Variants in SLC38A1 observed in about 807,000 individuals in gnomAD.
SLC38A1 encodes solute carrier family 38 member 1.
Under a neutral mutation model 60.3 loss-of-function variants are expected in SLC38A1, and 18 were observed. The observed-to-expected ratio is 0.30, with a 90% CI of 0.21 to 0.44. SLC38A1 has a LOEUF of 0.44. SLC38A1 is among the 20% of genes least tolerant of loss of function. The pLI is 1.00. For missense variants in SLC38A1, 448 were observed against 587.2 expected (o/e 0.76, Z 2.45); for synonymous variants, 196 against 212.1 (o/e 0.92, Z 0.66).
intron 2 of SLC38A1, among the ~76,000 whole-genome samples, chr12:46,240,335 T>C (rs1416992713): frequency 6.6e-6 from 1 of 152,210 alleles, no homozygotes; most frequent in Admixed American, 6.5e-5. Flanking sequence ...TAGCTGTGAT[T>C]ACAGGCATGC....
At chr12:46,215,360 C>T (rs1377540094) in intron 5 of SLC38A1, among the ~76,000 whole-genome samples, 2 of 152,156 alleles carry the variant, frequency 1.3e-5, no homozygotes, top group African/African-American at 4.8e-5. Flanking sequence ...TGACTAGCTT[C>T]CAGTGTGAAA....
At chr12:46,262,405 CTTAA>C (rs1229640130) in intron 1 of SLC38A1, among the ~76,000 whole-genome samples, 1 of 151,544 alleles carries the variant, frequency 6.6e-6, no homozygotes, top group Non-Finnish European at 1.5e-5. Context: ...AGAATTGAAT[CTTAA>C]TTAATTAGAA....
At chr12:46,210,181 T>C (rs1003463474) in intron 5 of SLC38A1, among the ~76,000 whole-genome samples, 1 of 152,192 alleles carries the variant, frequency 6.6e-6, no homozygotes, top group Non-Finnish European at 1.5e-5. Flanking sequence ...CCAGCTCAGA[T>C]GCCAACTCCT....
rs531531804 is a variant in SLC38A1, at chr12:46,243,240, T to C, written c.-134A>G. ...GCAGAGACGATCACTCTATATATAT[T>C]GTTGTATGGCCTTCCAGGGTTTTTC... On this transcript the variant is annotated 5_prime_UTR_variant, in exon 2 of 17. Transcript: ENST00000398637. 6.6e-6 allele frequency: 1 copy of C among 152,118 alleles called. No individual in the cohort carries two copies. Among genetic ancestry groups the C allele is most frequent in the African/African-American group, 2.4e-5 (1 of 41,514 alleles). The allele number at this position is 152,118 out of a possible 1,614,324, so 9.4% of individuals were successfully genotyped here. A position where few individuals can be genotyped will look rare whatever the true frequency, so the allele number is the denominator to read the frequency against.
At chr12:46,220,193 C>T (rs1940602612) in intron 5 of SLC38A1, among the ~76,000 whole-genome samples, 1 of 152,208 alleles carries the variant, frequency 6.6e-6, no homozygotes, top group African/African-American at 2.4e-5. Context: ...GCTTCTTAAT[C>T]CAGTGGATTT....
At chr12:46,201,242 A>G (rs1939646381) in intron 12 of SLC38A1, 44 bp from the exon 13 acceptor site, 1 of 1,469,914 alleles carries the variant, frequency 6.8e-7, no homozygotes, top group Non-Finnish European at 9.5e-7. Context: ...ATATGACTGA[A>G]TTTAAGCACC....
At chr12:46,221,513 C>A (rs1423927556) in intron 5 of SLC38A1, among the ~76,000 whole-genome samples, 1 of 152,158 alleles carries the variant, frequency 6.6e-6, no homozygotes, top group African/African-American at 2.4e-5. Flanking sequence ...TGAACTAAAC[C>A]TTTCAGTTGA....
intron 3 of SLC38A1, among the ~76,000 whole-genome samples, chr12:46,233,234 G>T (rs909377458): frequency 1.3e-5 from 2 of 151,852 alleles, no homozygotes; most frequent in Non-Finnish European, 2.9e-5. Context: ...TGTTGCCCAC[G>T]CTGGTCTCGA....
chr12:46,204,317 A>G lies in SLC38A1; in HGVS notation c.806T>C (p.Val269Ala). The G allele has an allele frequency of 6.2e-7, 1 of 1,607,320 alleles. No individual in the cohort carries two copies. The highest frequency in any genetic ancestry group is 8.5e-7 in the Non-Finnish European group (1 of 1,173,918). Reference sequence around the variant, plus strand: ...GAAACTTACCTTTGAATTGAAGGTAACATATTTTGGCGTACACGTGTCAGC... The same window carrying G: ...GAAACTTACCTTTGAATTGAAGGTAGCATATTTTGGCGTACACGTGTCAGC... ...TNADTCTPKY[V>A]TFNSKTVYAL... The change falls in exon 11 of 17, where the codon GTT becomes GCT. Residue 269 changes from valine (V) to alanine (A), a missense_variant. This residue lies in a region of SLC38A1 where 346 missense variants were observed against 497.5 expected (regional missense o/e 0.70). Coordinates refer to ENST00000398637, the MANE Select transcript of SLC38A1 (RefSeq NM_030674.4).
At chr12:46,214,350 C>T (rs1940310498) in intron 5 of SLC38A1, among the ~76,000 whole-genome samples, 1 of 152,186 alleles carries the variant, frequency 6.6e-6, no homozygotes. Context: ...AATTTTGACT[C>T]ATCTTTTAAA....
intron 9 of SLC38A1, among the ~76,000 whole-genome samples, chr12:46,205,431 G>A (rs767658252): frequency 6.6e-6 from 1 of 152,070 alleles, no homozygotes; most frequent in Non-Finnish European, 1.5e-5. Flanking sequence ...AATTAGCCCA[G>A]AATTAAAGTA....
At chr12:46,241,693 G>T (rs979513517) in intron 2 of SLC38A1, among the ~76,000 whole-genome samples, 2 of 152,112 alleles carry the variant, frequency 1.3e-5, no homozygotes, top group Non-Finnish European at 2.9e-5. Flanking sequence ...GCCTTATGTT[G>T]CAAAAGCTGA....
chr12:46,267,053 C>A (rs535185394), intron 1 of SLC38A1, among the ~76,000 whole-genome samples: 1 of 152,290 alleles, frequency 6.6e-6, no homozygotes, highest in Non-Finnish European at 1.5e-5. Context: ...CTTCTGACGT[C>A]AGAAAAAGCA....
chr12:46,188,765 T>A lies in SLC38A1; in HGVS notation c.*205A>T. 2.2e-6 allele frequency: 1 copy of A among 455,792 alleles called. No individual in the cohort carries two copies. The highest frequency in any genetic ancestry group is 3.9e-6 in the Non-Finnish European group (1 of 253,636). The allele number at this position is 455,792 out of a possible 1,614,324, so 28.2% of individuals were successfully genotyped here. On this transcript the variant is annotated 3_prime_UTR_variant, in exon 17 of 17. Coordinates refer to ENST00000398637, the MANE Select transcript of SLC38A1 (RefSeq NM_030674.4). ...GAAATTTGAAAAAAAAATTTCACAA[T>A]CCCTAAATTGATCTCAAATCTTGGA...
intron 1 of SLC38A1, among the ~76,000 whole-genome samples, chr12:46,259,596 C>A (rs1942136589): frequency 6.6e-6 from 1 of 152,124 alleles, no homozygotes; most frequent in Non-Finnish European, 1.5e-5. Flanking sequence ...TCATCAAAAT[C>A]TTTGAAAATC....
At chr12:46,228,769 G>A (rs73103104) in intron 5 of SLC38A1, among the ~76,000 whole-genome samples, 103 of 152,222 alleles carry the variant, frequency 6.8e-4, no homozygotes, top group Non-Finnish European at 1.3e-3. Flanking sequence ...GCCCTTTGAT[G>A]TAGTACACGC....
chr12:46,225,389 C>T (rs1940822855), intron 5 of SLC38A1, among the ~76,000 whole-genome samples: 1 of 152,120 alleles, frequency 6.6e-6, no homozygotes, highest in Admixed American at 6.6e-5. Context: ...GGAAAGTATA[C>T]AATATATGTT....
rs1156785519 is a variant in SLC38A1 at position 46,196,198 on chromosome 12, G to C, written c.1362+1522C>G. On this transcript the variant is annotated intron_variant, in intron 16 of 16. Transcript: ENST00000398637. ...AGTTCCTTGCGCTTGAGCATGTTCAGTGAGAGCGCTGCAGGGAGAAGGATG... is the reference window on the plus strand; with the variant it reads ...AGTTCCTTGCGCTTGAGCATGTTCACTGAGAGCGCTGCAGGGAGAAGGATG... 3.9e-6 allele frequency: 6 copies of C among 1,535,990 alleles called. No individual in the cohort carries two copies. In the African/African-American group the frequency reaches 5.5e-5, roughly 14 times the overall value.
chr12:46,264,802 T>C (rs1396175304), intron 1 of SLC38A1, among the ~76,000 whole-genome samples: 1 of 152,120 alleles, frequency 6.6e-6, no homozygotes, highest in Non-Finnish European at 1.5e-5. Context: ...CCACAGTCCA[T>C]TATATTACTC....
Sources: gnomAD v4.1 joint callset for allele counts (sites outside exome capture counted in the v4.1 genomes callset) on GRCh38, gnomAD v4.1.1 for gene constraint, gnomAD v4.1.1 regional missense constraint, MANE v1.5 for transcripts, NCBI Gene and HGNC (gene_info 2026-07-23, HGNC 2026-07-21) for gene names.